ARFGEF1: variants seen among roughly 807,000 people sequenced by gnomAD.
ARFGEF1 encodes the protein ARF guanine nucleotide exchange factor 1, also known as brefeldin A-inhibited guanine nucleotide-exchange protein 1.
Under a neutral mutation model 231.0 loss-of-function variants are expected in ARFGEF1, and 42 were observed. The observed-to-expected ratio is 0.18, with a 90% confidence interval of 0.14 to 0.24. The LOEUF is 0.24. ARFGEF1 is among the 10% of genes least tolerant of loss of function. ARFGEF1 has a pLI of 1.00. For synonymous variants in ARFGEF1, 710 were observed against 732.3 expected, an observed-to-expected ratio of 0.97 and a Z score of 0.49; for missense variants, 1,345 against 2,192.0, an observed-to-expected ratio of 0.61 and a Z score of 7.72.
chr8:67,315,394 A>G (rs1210467075), intron 1 of ARFGEF1, among the ~76,000 whole-genome samples: 2 of 152,316 alleles, frequency 1.3e-5, no homozygotes, highest in African/African-American at 4.8e-5. Flanking sequence ...CACCACCATC[A>G]ATCGGCAGGG....
At position 67,259,933 on chromosome 8, in the gene ARFGEF1, G is replaced by T; in HGVS notation, c.2124-7C>A. ...CTTTGGTTTCTTATTAAATCTAGAT[G>T]ATGTTAAATAAGAACATTAAAAATA... On this transcript the variant is annotated splice_polypyrimidine_tract_variant and splice_region_variant and intron_variant, in intron 14 of 38. Coordinates refer to ENST00000262215, the MANE Select transcript of ARFGEF1 (RefSeq NM_006421.5). 12 of 1,549,098 alleles carry T rather than the reference G, an allele frequency of 7.7e-6. No individual in the cohort carries two copies. Among genetic ancestry groups the T allele is most frequent in the Non-Finnish European group, 1.1e-5 (12 of 1,131,194 alleles).
rs1375183465 is a variant in ARFGEF1 at position 67,222,208 on chromosome 8, C to T, written c.4209-2648G>A. The stretch of plus-strand genomic sequence containing the variant: ...ATATATATATATATATATATATACA[C>T]ACACATATATATATATGTATATGTA... On this transcript the variant is annotated intron_variant, in intron 29 of 38. Transcript: ENST00000262215. 6.6e-3 allele frequency among the ~76,000 whole-genome samples: 871 copies of T among 132,640 alleles called. 14 individuals are homozygous for T. The highest frequency in any genetic ancestry group is 0.025 in the African/African-American group (833 of 33,606). 87.0% of individuals were successfully genotyped at this position (132,640 alleles called of 152,430 possible).
At chr8:67,254,706 A>G (rs1427494110) in intron 17 of ARFGEF1, among the ~76,000 whole-genome samples, 7 of 152,200 alleles carry the variant, frequency 4.6e-5, no homozygotes, top group Non-Finnish European at 7.3e-5. Context: ...AGAAAATGTA[A>G]CTGGGATATA....
At chr8:67,285,844 T>C (rs1370711553) in intron 7 of ARFGEF1, among the ~76,000 whole-genome samples, 1 of 152,102 alleles carries the variant, frequency 6.6e-6, no homozygotes, top group Non-Finnish European at 1.5e-5. Context: ...AATCCAAAAT[T>C]TGAAATATTC....
chr8:67,236,360 AAAAAAATATATATATAT>A (rs1174610539), intron 22 of ARFGEF1, among the ~76,000 whole-genome samples: 179 of 43,230 alleles, frequency 4.1e-3, no homozygotes, highest in African/African-American at 0.019. Flanking sequence ...AAAAAAAAAA[AAAAAAATATATATATAT>A]ATATATATAT....
rs1197585370 is a variant in ARFGEF1 at position 67,276,180 on chromosome 8, G to GT, written c.1204-72dup. 8.6e-5 allele frequency: 131 copies of GT among 1,528,130 alleles called. 1 individual carries two copies. The East Asian group carries it at 2.2e-3, about 26-fold the overall frequency. 94.7% of individuals were successfully genotyped at this position (1,528,130 alleles called of 1,614,324 possible). ...TGTAAAATCGCTTCAGCCTTCTACT[G>GT]TATTTCATTCAATTCACTAACAGGT... On this transcript the variant is annotated intron_variant, in intron 8 of 38. Coordinates refer to ENST00000262215, the MANE Select transcript of ARFGEF1 (RefSeq NM_006421.5).
downstream of ARFGEF1, among the ~76,000 whole-genome samples, chr8:67,192,686 C>A (rs947347256): frequency 4.6e-5 from 7 of 152,266 alleles, no homozygotes; most frequent in East Asian, 1.4e-3. Flanking sequence ...AATTTTTGCA[C>A]AGGGTGTGAG....
intron 5 of ARFGEF1, among the ~76,000 whole-genome samples, chr8:67,188,020 TGATAAGCCG>T (rs1156513363): frequency 6.6e-6 from 1 of 152,188 alleles, no homozygotes; most frequent in African/African-American, 2.4e-5. Context: ...AAGAAATAAT[TGATAAGCCG>T]GACTTTGTAA....
intron 35 of ARFGEF1, among the ~76,000 whole-genome samples, chr8:67,204,205 A>G (rs1203436796): frequency 6.6e-6 from 1 of 152,038 alleles, no homozygotes. Context: ...TCTCCCCATT[A>G]TAATTATGCT....
At chr8:67,285,584 C>A (rs999997297) in intron 7 of ARFGEF1, among the ~76,000 whole-genome samples, 4 of 152,052 alleles carry the variant, frequency 2.6e-5, no homozygotes, top group Non-Finnish European at 4.4e-5. Context: ...CAAAGTATCA[C>A]CTCAGATTGG....
chr8:67,320,835 G>A (rs1005173716), intron 1 of ARFGEF1, among the ~76,000 whole-genome samples: 1 of 151,838 alleles, frequency 6.6e-6, no homozygotes, highest in Non-Finnish European at 1.5e-5. Flanking sequence ...GGTGGCAGGC[G>A]CCTGTAATCC....
chr8:67,328,683 T>C (rs971694327), intron 1 of ARFGEF1, among the ~76,000 whole-genome samples: 3 of 152,176 alleles, frequency 2.0e-5, no homozygotes, highest in African/African-American at 4.8e-5. Context: ...TGCAACATAG[T>C]GGTCATTTGT....
intron 1 of ARFGEF1, among the ~76,000 whole-genome samples, chr8:67,336,154 G>A (rs1354417916): frequency 6.6e-6 from 1 of 152,196 alleles, no homozygotes; most frequent in Non-Finnish European, 1.5e-5. Flanking sequence ...AATATCAAAA[G>A]CAGAACACAA....
Position 67,234,154 on chromosome 8 carries a change from A to G in ARFGEF1, c.3290-1209T>C, listed in dbSNP as rs112128902. ...AATAAATGCCCTTCTGAATGCAAAC[A>G]TAACAGATGATATCATTTAAACCTG... On this transcript the variant is annotated intron_variant, in intron 22 of 38. Coordinates refer to ENST00000262215, the MANE Select transcript of ARFGEF1 (RefSeq NM_006421.5). Among the ~76,000 whole-genome samples the G allele has an allele frequency of 2.0e-3, 301 of 152,274 alleles. 3 individuals are homozygous for G. The highest frequency in any genetic ancestry group is 6.9e-3 in the African/African-American group (286 of 41,572).
In ARFGEF1 at chr8:67,226,331, T is replaced by G. The variant is rs543279677; in HGVS notation, c.3917-148A>C. 1.4e-5 allele frequency: 10 copies of G among 739,598 alleles called. No individual in the cohort carries two copies. In the African/African-American group the frequency reaches 1.4e-4, roughly 11 times the overall value. The allele number at this position is 739,598 out of a possible 1,614,324, so 45.8% of individuals were successfully genotyped here. On this transcript the variant is annotated intron_variant, in intron 27 of 38. Coordinates refer to ENST00000262215, the MANE Select transcript of ARFGEF1 (RefSeq NM_006421.5). ...ACAGATACGAAGTTCAAGACTATCT[T>G]TACCACTTAACTGACTGCCCTGAGT... is the stretch of plus-strand genomic sequence containing the variant.
chr8:67,263,437 G>A (rs567345802), intron 14 of ARFGEF1, among the ~76,000 whole-genome samples: 2 of 152,264 alleles, frequency 1.3e-5, no homozygotes, highest in Non-Finnish European at 1.5e-5. Flanking sequence ...TCACTAGCAC[G>A]CTAGCGCCAA....
chr8:67,197,788 C>A lies in ARFGEF1; in HGVS notation c.*1146G>T, dbSNP rs1838129185. 5 of 985,668 alleles carry A rather than the reference C, an allele frequency of 5.1e-6. No individual in the cohort carries two copies. In the South Asian group the frequency reaches 1.4e-4, roughly 28 times the overall value. 61.1% of individuals were successfully genotyped at this position (985,668 alleles called of 1,614,324 possible). ...TTACATAGAAAACTTTACATCTGTA[C>A]CATATACATTTTGTCCATCTGAAAA... On this transcript the variant is annotated 3_prime_UTR_variant, in exon 39 of 39. Transcript: ENST00000262215.
intron 20 of ARFGEF1, 46 bp downstream of exon 20, chr8:67,240,116 G>C: frequency 1.3e-6 from 2 of 1,592,910 alleles, no homozygotes; most frequent in Non-Finnish European, 1.7e-6. Flanking sequence ...AATGGCATAG[G>C]TAATTAATGT....
intron 28 of ARFGEF1, among the ~76,000 whole-genome samples, chr8:67,225,234 A>G (rs569976176): frequency 6.6e-6 from 1 of 152,344 alleles, no homozygotes; most frequent in East Asian, 1.9e-4. Flanking sequence ...ATAACTGCCT[A>G]TAAAGAGCTC....
Sources: gnomAD v4.1 joint callset for allele counts (sites outside exome capture counted in the v4.1 genomes callset) on GRCh38, gnomAD v4.1.1 for gene constraint, MANE v1.5 for transcripts, NCBI Gene and HGNC (gene_info 2026-07-23, HGNC 2026-07-21) for gene names.